BRD10: variants seen among roughly 807,000 people sequenced by gnomAD.
BRD10 encodes the protein bromodomain containing 10.
the BRD10 span, among the ~76,000 whole-genome samples, chr9:5,906,181 T>A: frequency 7.1e-6 from 1 of 141,710 alleles, no homozygotes; most frequent in Non-Finnish European, 1.5e-5. Context: ...CAAGATCATG[T>A]CTCTTAAAAA....
At chr9:5,922,342 G>A in the BRD10 span, 1 of 1,613,850 alleles carries the variant, frequency 6.2e-7, no homozygotes, top group Non-Finnish European at 8.5e-7. Context: ...AGGAGAATGT[G>A]GCTGCTGAAA....
chr9:5,889,655 T>C, the BRD10 span, among the ~76,000 whole-genome samples: 2 of 152,080 alleles, frequency 1.3e-5, no homozygotes, highest in East Asian at 1.9e-4. Context: ...TGTGGTGGCG[T>C]GCACCTGTAG....
the BRD10 span, among the ~76,000 whole-genome samples, chr9:5,888,208 CA>C: frequency 1.3e-5 from 2 of 152,236 alleles, no homozygotes; most frequent in Admixed American, 6.5e-5. Context: ...AGCTGGTGAG[CA>C]AAGGTGACTG....
chr9:5,891,041 T>G, the BRD10 span: 2 of 152,204 alleles, frequency 1.3e-5, no homozygotes, highest in African/African-American at 4.8e-5. Flanking sequence ...CCCGCTGATG[T>G]GTGACATCAA....
the BRD10 span, among the ~76,000 whole-genome samples, chr9:5,965,248 A>G: frequency 6.6e-6 from 1 of 152,024 alleles, no homozygotes; most frequent in Non-Finnish European, 1.5e-5. Flanking sequence ...CTCATCCCAA[A>G]GCGTATTCTA....
the BRD10 span, among the ~76,000 whole-genome samples, chr9:6,002,142 C>T: frequency 1.3e-4 from 20 of 152,168 alleles, no homozygotes; most frequent in Non-Finnish European, 4.4e-5. Context: ...TTTTACTATG[C>T]CTGTATATGT....
chr9:6,000,190 T>C, the BRD10 span, among the ~76,000 whole-genome samples: 2 of 152,124 alleles, frequency 1.3e-5, no homozygotes, highest in African/African-American at 4.8e-5. Flanking sequence ...ATACTTAATA[T>C]TCTGACTGTA....
At chr9:5,975,012 C>T in the BRD10 span, among the ~76,000 whole-genome samples, 8 of 152,108 alleles carry the variant, frequency 5.3e-5, no homozygotes, top group Non-Finnish European at 8.8e-5. Context: ...AAATATCCAG[C>T]GCTCACCAAG....
the BRD10 span, among the ~76,000 whole-genome samples, chr9:5,994,965 T>C: frequency 6.6e-6 from 1 of 151,390 alleles, no homozygotes; most frequent in African/African-American, 2.4e-5. Flanking sequence ...AATGGCACCA[T>C]CTCGGCTCAC....
At chr9:5,912,477 G>C in the BRD10 span, among the ~76,000 whole-genome samples, 2 of 152,126 alleles carry the variant, frequency 1.3e-5, no homozygotes, top group Non-Finnish European at 2.9e-5. Context: ...AACGGGCCTT[G>C]AAGAAAATTC....
At chr9:5,924,823 C>A in the BRD10 span, 2 of 1,512,938 alleles carry the variant, frequency 1.3e-6, no homozygotes, top group Non-Finnish European at 8.9e-7. Flanking sequence ...CTGAAATCAT[C>A]ATAGTCTTTC....
chr9:5,916,411 AATT>A, the BRD10 span, among the ~76,000 whole-genome samples: 1 of 152,032 alleles, frequency 6.6e-6, no homozygotes, highest in Admixed American at 6.6e-5. Flanking sequence ...TATTTCAATT[AATT>A]ATTAAATACA....
the BRD10 span, chr9:5,897,761 G>T: frequency 2.0e-6 from 2 of 984,620 alleles, no homozygotes; most frequent in Admixed American, 1.9e-5. Context: ...ATAACCTTCA[G>T]CTCTGATTCC....
At chr9:5,887,321 G>A in the BRD10 span, among the ~76,000 whole-genome samples, 1 of 152,188 alleles carries the variant, frequency 6.6e-6, no homozygotes, top group Non-Finnish European at 1.5e-5. Flanking sequence ...TGGCCATTGT[G>A]TGCCCAGCAT....
At chr9:5,930,621 C>T in the BRD10 span, among the ~76,000 whole-genome samples, 2 of 151,640 alleles carry the variant, frequency 1.3e-5, no homozygotes, top group Admixed American at 6.6e-5. Context: ...AATATGGAAC[C>T]GAGGCTCATG....
the BRD10 span, chr9:5,922,029 C>G: frequency 1.9e-6 from 3 of 1,614,006 alleles, no homozygotes; most frequent in Non-Finnish European, 2.5e-6. Flanking sequence ...GATTTTGGCA[C>G]CAGAAATGCC....
At chr9:5,899,007 T>C in the BRD10 span, 1 of 152,150 alleles carries the variant, frequency 6.6e-6, no homozygotes, top group African/African-American at 2.4e-5. Flanking sequence ...CCTCCATGAA[T>C]GGGAAACATC....
the BRD10 span, chr9:5,944,916 T>C: frequency 6.5e-7 from 1 of 1,547,450 alleles, no homozygotes; most frequent in Non-Finnish European, 8.7e-7. Flanking sequence ...CATTCTCGAT[T>C]TTTGTGATTA....
chr9:5,919,585 A>ACACACACACACACACACACAC, the BRD10 span: 2 of 351,192 alleles, frequency 5.7e-6, no homozygotes, highest in East Asian at 6.0e-5. Flanking sequence ...CACACACACA[A>ACACACACACACACACACACAC]TGTATAGTAT....
Sources: gnomAD v4.1 joint callset for allele counts (sites outside exome capture counted in the v4.1 genomes callset) on GRCh38, gnomAD v4.1.1 for gene constraint, MANE v1.5 for transcripts, NCBI Gene and HGNC (gene_info 2026-07-23, HGNC 2026-07-21) for gene names.